AUTS2: variants seen among roughly 807,000 people sequenced by gnomAD.
AUTS2 encodes activator of transcription and developmental regulator AUTS2, also known as autism susceptibility gene 2 protein.
AUTS2 carries 17 observed loss-of-function variants against 112.4 expected under a neutral mutation model. The observed-to-expected ratio is 0.15, with a 90% CI of 0.10 to 0.23. The LOEUF is 0.23. AUTS2 is among the 10% of genes least tolerant of loss of function. AUTS2 has a pLI of 1.00. For missense variants in AUTS2, 1,510 were observed against 1,701.6 expected (o/e 0.89, Z 1.98); for synonymous variants, 751 against 702.7 (o/e 1.07, Z -1.09).
At chr7:70,357,828 A>G (rs1792080778) in intron 4 of AUTS2, among the ~76,000 whole-genome samples, 1 of 152,224 alleles carries the variant, frequency 6.6e-6, no homozygotes, top group Non-Finnish European at 1.5e-5. Context: ...GTGTTATATG[A>G]AGGGTGTGTG....
At chr7:70,491,589 T>TATTG (rs1461767874) in intron 5 of AUTS2, among the ~76,000 whole-genome samples, 11 of 138,802 alleles carry the variant, frequency 7.9e-5, no homozygotes, top group African/African-American at 1.3e-4. Flanking sequence ...TGTATATATA[T>TATTG]TGTGTGTGTG....
intron 5 of AUTS2, among the ~76,000 whole-genome samples, chr7:70,586,810 G>A (rs913903204): frequency 6.6e-6 from 1 of 152,204 alleles, no homozygotes; most frequent in Non-Finnish European, 1.5e-5. Context: ...CTTGCCCACA[G>A]ATTTTCCTAA....
At chr7:70,089,665 T>C (rs1232212331) in intron 2 of AUTS2, among the ~76,000 whole-genome samples, 1 of 152,196 alleles carries the variant, frequency 6.6e-6, no homozygotes, top group Admixed American at 6.5e-5. Context: ...TATGTTCCTC[T>C]GTATTCTTTA....
rs967529820 is a variant in AUTS2, at chr7:70,328,201, G to A, written c.661-107551G>A. 1.8e-4 allele frequency among the ~76,000 whole-genome samples: 27 copies of A among 152,214 alleles called. No homozygotes were observed. The East Asian group carries it at 5.0e-3, about 28-fold the overall frequency. On this transcript the variant is annotated intron_variant, in intron 4 of 18. Coordinates refer to ENST00000342771, the MANE Select transcript of AUTS2 (RefSeq NM_015570.4). ...TTTCAGCTTGGGAAACTAAAATACA[G>A]GGGTGTTTGATTTGTGTGTGGTTTT...
At chr7:70,273,838 A>G (rs1355979945) in intron 4 of AUTS2, among the ~76,000 whole-genome samples, 2 of 152,058 alleles carry the variant, frequency 1.3e-5, no homozygotes, top group African/African-American at 4.8e-5. Flanking sequence ...GTGGATCAAA[A>G]CCCATGTGGT....
At chr7:69,742,263 T>C (rs749510362) in intron 1 of AUTS2, among the ~76,000 whole-genome samples, 2 of 152,166 alleles carry the variant, frequency 1.3e-5, no homozygotes, top group Non-Finnish European at 1.5e-5. Context: ...CGAGTGCCTA[T>C]TGGTAGTAAA....
chr7:70,285,552 A>T (rs1788418934), intron 4 of AUTS2, among the ~76,000 whole-genome samples: 1 of 152,218 alleles, frequency 6.6e-6, no homozygotes, highest in Non-Finnish European at 1.5e-5. Context: ...TAAGTCATGC[A>T]GTAAGCATCA....
intron 1 of AUTS2, among the ~76,000 whole-genome samples, chr7:69,875,708 C>T (rs1415119225): frequency 6.6e-6 from 1 of 152,074 alleles, no homozygotes; most frequent in African/African-American, 2.4e-5. Context: ...CCAATTGAAC[C>T]TTATGGAGAG....
intron 2 of AUTS2, among the ~76,000 whole-genome samples, chr7:70,092,192 A>C (rs1803957076): frequency 6.6e-6 from 1 of 152,134 alleles, no homozygotes; most frequent in African/African-American, 2.4e-5. Flanking sequence ...TTGACAGATG[A>C]AAAGGAATCT....
intron 2 of AUTS2, among the ~76,000 whole-genome samples, chr7:70,088,525 C>G (rs1803735261): frequency 7.7e-6 from 1 of 130,004 alleles, no homozygotes; most frequent in Non-Finnish European, 1.6e-5. Context: ...TACTTTTGCT[C>G]TCTTTTTTTT....
chr7:69,941,580 T>G (rs1796627930), intron 2 of AUTS2, among the ~76,000 whole-genome samples: 2 of 91,738 alleles, frequency 2.2e-5, no homozygotes, highest in African/African-American at 1.0e-4. Context: ...ACCTTCTAGA[T>G]TTTTTTTTTT....
chr7:70,457,725 T>A (rs757752285), intron 5 of AUTS2, among the ~76,000 whole-genome samples: 2 of 152,174 alleles, frequency 1.3e-5, no homozygotes. Context: ...ATGTGTCCCA[T>A]ACAGAGCCGC....
intron 6 of AUTS2, among the ~76,000 whole-genome samples, chr7:70,721,007 A>T (rs1006251440): frequency 6.6e-6 from 1 of 152,192 alleles, no homozygotes. Flanking sequence ...CGCATCTATA[A>T]ATCTGGATGA....
chr7:70,191,375 A>G (rs1360799771), intron 4 of AUTS2, among the ~76,000 whole-genome samples: 4 of 151,762 alleles, frequency 2.6e-5, no homozygotes, highest in African/African-American at 7.3e-5. Flanking sequence ...GTTTAACCAT[A>G]TTAGCCAGGA....
chr7:70,470,954 A>C (rs995001315), intron 5 of AUTS2, among the ~76,000 whole-genome samples: 4 of 152,156 alleles, frequency 2.6e-5, no homozygotes, highest in Admixed American at 6.5e-5. Context: ...TTCCCGGGGA[A>C]GGAAGGGCAG....
chr7:70,312,207 C>T (rs1314225313), intron 4 of AUTS2, among the ~76,000 whole-genome samples: 5 of 152,126 alleles, frequency 3.3e-5, no homozygotes, highest in South Asian at 2.1e-4. Context: ...CTACTTAAAT[C>T]GTGTGCTTTT....
chr7:69,715,920 T>C (rs57210197), intron 1 of AUTS2, among the ~76,000 whole-genome samples: 2,363 of 152,246 alleles, frequency 0.016, 73 homozygotes, highest in African/African-American at 0.054. Context: ...GTGCCAGAGA[T>C]CTTTTCTCAT....
rs1794895468 is a variant in AUTS2, at chr7:70,414,128, TG to T, written c.661-21623del. Among the ~76,000 whole-genome samples, 3 of 152,152 alleles carry T rather than the reference TG, an allele frequency of 2.0e-5. No individual in the cohort carries two copies. In the South Asian group the frequency reaches 6.2e-4, roughly 31 times the overall value. On this transcript the variant is annotated intron_variant, in intron 4 of 18. Transcript: ENST00000342771. ...AATAAGAGAATAATTCTACCTACCT[TG>T]TAGGGTTAAAGGTTGAGTACGATAG... is the stretch of plus-strand genomic sequence containing the variant.
chr7:70,252,095 G>A (rs1288481323), intron 4 of AUTS2, among the ~76,000 whole-genome samples: 1 of 152,148 alleles, frequency 6.6e-6, no homozygotes, highest in East Asian at 1.9e-4. Flanking sequence ...ACGAACATGA[G>A]AATATAGCTA....
Sources: gnomAD v4.1 joint callset for allele counts (sites outside exome capture counted in the v4.1 genomes callset) on GRCh38, gnomAD v4.1.1 for gene constraint, MANE v1.5 for transcripts, NCBI Gene and HGNC (gene_info 2026-07-23, HGNC 2026-07-21) for gene names.